CACNB2: variants seen among roughly 807,000 people sequenced by gnomAD.
The protein encoded by CACNB2 is calcium voltage-gated channel auxiliary subunit beta 2, also known as voltage-dependent L-type calcium channel subunit beta-2.
In CACNB2, 42 loss-of-function variants were observed where a neutral mutation model predicts 73.3. That is an observed-to-expected ratio of 0.57 (90% CI 0.45 to 0.74). CACNB2 has a LOEUF of 0.74. Among genes scored for constraint, CACNB2 ranks in the 30% least tolerant of loss-of-function variants. The pLI is 0.00. For synonymous variants in CACNB2, 348 were observed against 310.3 expected, an observed-to-expected ratio of 1.12 and a Z score of -1.28; for missense variants, 940 against 853.0, an observed-to-expected ratio of 1.10 and a Z score of -1.27.
chr10:18,373,437 G>A (rs2042669162), intron 2 of CACNB2, among the ~76,000 whole-genome samples: 1 of 152,110 alleles, frequency 6.6e-6, no homozygotes, highest in Admixed American at 6.6e-5. Context: ...TTATGGTAAG[G>A]CATTATATTA....
intron 3 of CACNB2, among the ~76,000 whole-genome samples, chr10:18,421,880 C>A (rs2132725363): frequency 6.6e-6 from 1 of 152,224 alleles, no homozygotes; most frequent in South Asian, 2.1e-4. Context: ...TTCCTTTGCT[C>A]TCAGATACTT....
At chr10:18,318,123 A>G (rs1190479504) in intron 2 of CACNB2, among the ~76,000 whole-genome samples, 2 of 152,222 alleles carry the variant, frequency 1.3e-5, no homozygotes, top group Non-Finnish European at 2.9e-5. Flanking sequence ...AGAAAAAGCT[A>G]TTTTAAATTT....
At chr10:18,225,908 G>A (rs2035974049) in intron 2 of CACNB2, among the ~76,000 whole-genome samples, 3 of 152,136 alleles carry the variant, frequency 2.0e-5, no homozygotes, top group Admixed American at 1.3e-4. Context: ...CCAAAGCACT[G>A]GGATTACAGG....
intron 2 of CACNB2, among the ~76,000 whole-genome samples, chr10:18,180,505 T>G (rs981281991): frequency 1.3e-5 from 2 of 151,930 alleles, no homozygotes; most frequent in East Asian, 3.9e-4. Flanking sequence ...TCACAAATCC[T>G]GTTGCGTCGC....
chr10:18,268,227 A>T (rs1351505938), intron 2 of CACNB2, among the ~76,000 whole-genome samples: 1 of 152,258 alleles, frequency 6.6e-6, no homozygotes, highest in African/African-American at 2.4e-5. Flanking sequence ...TGAAGCAATT[A>T]CTGAGTCCCT....
At chr10:18,437,194 G>A (rs2132890380) in intron 3 of CACNB2, among the ~76,000 whole-genome samples, 1 of 152,298 alleles carries the variant, frequency 6.6e-6, no homozygotes, top group East Asian at 1.9e-4. Context: ...GTTCCCATTA[G>A]AAAGGGGTTA....
At chr10:18,421,852 A>G (rs1172175094) in intron 3 of CACNB2, among the ~76,000 whole-genome samples, 3 of 152,164 alleles carry the variant, frequency 2.0e-5, no homozygotes, top group Non-Finnish European at 2.9e-5. Context: ...TTGAAGAACT[A>G]TGGAACGTTG....
chr10:18,185,706 T>C (rs2034115997), intron 2 of CACNB2, among the ~76,000 whole-genome samples: 1 of 152,144 alleles, frequency 6.6e-6, no homozygotes, highest in Non-Finnish European at 1.5e-5. Flanking sequence ...AAAGTAGAAA[T>C]AGGGTGTGTG....
chr10:18,333,184 A>G (rs1009289211), intron 2 of CACNB2, among the ~76,000 whole-genome samples: 1 of 152,154 alleles, frequency 6.6e-6, no homozygotes, highest in Non-Finnish European at 1.5e-5. Context: ...TTTTGCAGTT[A>G]GTCGTAATAT....
intron 3 of CACNB2, among the ~76,000 whole-genome samples, chr10:18,454,828 C>A (rs2047194745): frequency 6.6e-6 from 1 of 152,114 alleles, no homozygotes; most frequent in Admixed American, 6.6e-5. Context: ...TGCTTGAGGC[C>A]AGGAGTTCAA....
chr10:18,482,564 G>A (rs1329858064), intron 3 of CACNB2, among the ~76,000 whole-genome samples: 2 of 152,296 alleles, frequency 1.3e-5, no homozygotes, highest in East Asian at 1.9e-4. Flanking sequence ...AGGCTGGAGT[G>A]TAGTGGCATG....
At chr10:18,426,319 A>G (rs550276330) in intron 3 of CACNB2, among the ~76,000 whole-genome samples, 2 of 152,238 alleles carry the variant, frequency 1.3e-5, no homozygotes, top group East Asian at 3.9e-4. Flanking sequence ...TATATTTTTT[A>G]GATTTGTTTC....
chr10:18,459,793 G>A (rs966008405), intron 3 of CACNB2, among the ~76,000 whole-genome samples: 1 of 152,140 alleles, frequency 6.6e-6, no homozygotes, highest in Admixed American at 6.6e-5. Flanking sequence ...GATCACCTGA[G>A]GTCAGGAGTT....
At chr10:18,203,385 C>T (rs891990740) in intron 2 of CACNB2, among the ~76,000 whole-genome samples, 8 of 152,200 alleles carry the variant, frequency 5.3e-5, no homozygotes, top group African/African-American at 1.9e-4. Context: ...GCATTAGTCA[C>T]TTTTCCTTGT....
chr10:18,164,641 G>A (rs909660714), intron 2 of CACNB2, among the ~76,000 whole-genome samples: 2 of 151,648 alleles, frequency 1.3e-5, no homozygotes. Context: ...TAAGGCAAAC[G>A]AGATAAACTG....
At chr10:18,235,944 G>A (rs941453512) in intron 2 of CACNB2, among the ~76,000 whole-genome samples, 2 of 152,074 alleles carry the variant, frequency 1.3e-5, no homozygotes, top group South Asian at 2.1e-4. Flanking sequence ...CACAAGACCT[G>A]GTTGTTTAAA....
chr10:18,159,248 A>G (rs2032278444), intron 2 of CACNB2, among the ~76,000 whole-genome samples: 1 of 152,064 alleles, frequency 6.6e-6, no homozygotes, highest in Non-Finnish European at 1.5e-5. Flanking sequence ...TTTCTACTCT[A>G]TGCTCCTGCC....
chr10:18,510,621 AC>A (rs2050715739), intron 6 of CACNB2, among the ~76,000 whole-genome samples: 1 of 152,210 alleles, frequency 6.6e-6, no homozygotes, highest in African/African-American at 2.4e-5. Flanking sequence ...ATTTTAAAAA[AC>A]AAAAATACAA....
chr10:18,480,474 C>T (rs879449673), intron 3 of CACNB2, among the ~76,000 whole-genome samples: 13 of 152,194 alleles, frequency 8.5e-5, no homozygotes, highest in South Asian at 2.1e-4. Context: ...ACTAGTCCAA[C>T]GTGTTTCTCT....
Sources: gnomAD v4.1 joint callset for allele counts (sites outside exome capture counted in the v4.1 genomes callset) on GRCh38, gnomAD v4.1.1 for gene constraint, MANE v1.5 for transcripts, NCBI Gene and HGNC (gene_info 2026-07-23, HGNC 2026-07-21) for gene names.